The following SGCZ variants were observed in gnomAD, a reference collection of about 807,000 sequenced individuals.
The protein encoded by SGCZ is zeta-sarcoglycan.
A neutral mutation model predicts 41.3 loss-of-function variants in SGCZ; 40 were observed. The ratio of observed to expected loss-of-function variants is 0.97; its 90% CI spans 0.75 to 1.26. SGCZ has a LOEUF of 1.26. SGCZ is among the 50% of genes most tolerant of loss of function. SGCZ has a pLI of 0.00. For synonymous variants in SGCZ, 206 were observed against 137.5 expected, an observed-to-expected ratio of 1.50 and a Z score of -3.49; for missense variants, 552 against 369.8, an observed-to-expected ratio of 1.49 and a Z score of -4.04.
At chr8:14,361,625 A>G (rs1803515414) in intron 2 of SGCZ, among the ~76,000 whole-genome samples, 1 of 152,160 alleles carries the variant, frequency 6.6e-6, no homozygotes. Flanking sequence ...GGGTTAGAAC[A>G]TGCTCCGTTA....
intron 1 of SGCZ, among the ~76,000 whole-genome samples, chr8:14,917,908 C>T (rs1027310646): frequency 6.6e-5 from 10 of 152,078 alleles, no homozygotes; most frequent in Admixed American, 5.2e-4. Context: ...AGACTGTTTT[C>T]AGTTATATTA....
At chr8:14,532,682 T>C (rs1173154346) in intron 2 of SGCZ, among the ~76,000 whole-genome samples, 2 of 122,014 alleles carry the variant, frequency 1.6e-5, no homozygotes, top group Non-Finnish European at 3.2e-5. Context: ...GTGTCTAGTA[T>C]GCCTTACAGT....
At chr8:14,195,556 A>G (rs530047549) in intron 4 of SGCZ, among the ~76,000 whole-genome samples, 118 of 152,290 alleles carry the variant, frequency 7.7e-4, no homozygotes, top group African/African-American at 2.8e-3. Flanking sequence ...ACATCTCAAC[A>G]AATCCTCAGC....
rs560665262 is a variant in SGCZ at position 14,766,980 on chromosome 8, T to C, written c.40-212054A>G. ...GAAACTAAATGTTTTGAAAAACATA[T>C]AAATTCTTCAGAAACTAAATTTGCA... is the stretch of plus-strand genomic sequence containing the variant. On this transcript the variant is annotated intron_variant, in intron 1 of 7. Coordinates refer to ENST00000382080, the MANE Select transcript of SGCZ (RefSeq NM_139167.4). Among the ~76,000 whole-genome samples, 208 of 152,288 alleles carry C rather than the reference T, an allele frequency of 1.4e-3. 3 individuals are homozygous for C. The highest frequency in any genetic ancestry group is 5.4e-3 in the Admixed American group (82 of 15,298).
intron 1 of SGCZ, among the ~76,000 whole-genome samples, chr8:14,954,521 T>C (rs1359483890): frequency 2.6e-5 from 4 of 152,124 alleles, no homozygotes; most frequent in East Asian, 1.9e-4. Flanking sequence ...GCTTCCACGA[T>C]TGCATTACAC....
chr8:14,262,670 G>A (rs1333048328), intron 3 of SGCZ, among the ~76,000 whole-genome samples: 4 of 150,432 alleles, frequency 2.7e-5, no homozygotes, highest in African/African-American at 7.3e-5. Flanking sequence ...TATTGTCATC[G>A]AGCTTTAAAA....
intron 2 of SGCZ, among the ~76,000 whole-genome samples, chr8:14,361,353 C>G (rs1803505856): frequency 6.6e-6 from 1 of 152,128 alleles, no homozygotes; most frequent in South Asian, 2.1e-4. Context: ...TTCACATAGT[C>G]CCATATTTCT....
Position 14,298,237 on chromosome 8 carries a change from C to T in SGCZ, c.336+25866G>A, listed in dbSNP as rs1293525592. Among the ~76,000 whole-genome samples, 6 of 151,952 alleles carry T rather than the reference C, an allele frequency of 3.9e-5. No individual in the cohort carries two copies. In the South Asian group the frequency reaches 1.2e-3, roughly 32 times the overall value. On this transcript the variant is annotated intron_variant, in intron 3 of 7. Transcript: ENST00000382080. ...GTGATGCATTCCTATGAAAATTCTA[C>T]TGTAAATATGAATATCATACTGAAT...
chr8:14,554,976 T>G (rs761025842), intron 1 of SGCZ, 50 bp from the exon 2 acceptor site: 7 of 1,470,394 alleles, frequency 4.8e-6, no homozygotes, highest in Non-Finnish European at 6.4e-6. Flanking sequence ...AAAAGAAGCA[T>G]TAAAAAAAAT....
chr8:14,602,045 G>C (rs1264912758), intron 1 of SGCZ, among the ~76,000 whole-genome samples: 1 of 152,030 alleles, frequency 6.6e-6, no homozygotes, highest in African/African-American at 2.4e-5. Flanking sequence ...GCATGAACCC[G>C]GGAGGCGGAG....
Position 14,090,334 on chromosome 8 carries a change from T to C in SGCZ, c.*109A>G. The C allele has an allele frequency of 1.7e-6, 2 of 1,175,564 alleles. No individual in the cohort carries two copies. Among genetic ancestry groups the C allele is most frequent in the Non-Finnish European group, 2.4e-6 (2 of 847,946 alleles). The allele number at this position is 1,175,564 out of a possible 1,614,324, so 72.8% of individuals were successfully genotyped here. ...CCTGCTCACACTGGAAGTTGCTCTG[T>C]GGACCATTCGAAGAAGCTCTGGACT... is the stretch of plus-strand genomic sequence containing the variant. On this transcript the variant is annotated 3_prime_UTR_variant, in exon 8 of 8. Transcript: ENST00000382080.
intron 2 of SGCZ, among the ~76,000 whole-genome samples, chr8:14,324,835 T>A (rs1015280298): frequency 1.3e-5 from 2 of 152,124 alleles, no homozygotes; most frequent in Non-Finnish European, 2.9e-5. Flanking sequence ...AGGTTTTATA[T>A]CTGATAAGAT....
At chr8:14,373,854 C>A (rs947447981) in intron 2 of SGCZ, among the ~76,000 whole-genome samples, 1 of 152,026 alleles carries the variant, frequency 6.6e-6, no homozygotes, top group African/African-American at 2.4e-5. Flanking sequence ...GATTCTAGAT[C>A]TCTGAGAAAT....
chr8:14,352,903 A>G (rs1803153926), intron 2 of SGCZ, among the ~76,000 whole-genome samples: 1 of 152,004 alleles, frequency 6.6e-6, no homozygotes, highest in Non-Finnish European at 1.5e-5. Flanking sequence ...CCCTACCCTA[A>G]TTGATCTCTG....
chr8:14,302,428 C>T (rs900314221), intron 3 of SGCZ, among the ~76,000 whole-genome samples: 2 of 152,056 alleles, frequency 1.3e-5, no homozygotes, highest in Admixed American at 1.3e-4. Flanking sequence ...ATAAATGAAT[C>T]AATTTTATAT....
intron 1 of SGCZ, among the ~76,000 whole-genome samples, chr8:14,800,955 A>G (rs574431377): frequency 4.0e-4 from 61 of 152,218 alleles, no homozygotes; most frequent in Non-Finnish European, 5.7e-4. Flanking sequence ...ACATGTTAGT[A>G]TTTTAAACAC....
intron 4 of SGCZ, among the ~76,000 whole-genome samples, chr8:14,166,601 A>C (rs1804218810): frequency 6.6e-6 from 1 of 152,194 alleles, no homozygotes; most frequent in Admixed American, 6.6e-5. Context: ...TCAGTTGCTG[A>C]GCATAATTGA....
intron 7 of SGCZ, among the ~76,000 whole-genome samples, chr8:14,095,257 G>A (rs991735346): frequency 6.6e-6 from 1 of 152,102 alleles, no homozygotes; most frequent in African/African-American, 2.4e-5. Context: ...TACGGTTTAG[G>A]TATTATGTTT....
chr8:14,178,258 T>G (rs944760585), intron 4 of SGCZ, among the ~76,000 whole-genome samples: 14 of 152,178 alleles, frequency 9.2e-5, no homozygotes, highest in African/African-American at 1.4e-4. Context: ...CTGGCTGATT[T>G]TGTTTTTCTT....
Sources: allele counts gnomAD v4.1 joint callset (sites outside exome capture counted in the v4.1 genomes callset), GRCh38; gene constraint gnomAD v4.1.1; transcripts MANE v1.5; gene names NCBI Gene and HGNC (gene_info 2026-07-23, HGNC 2026-07-21).